The following RFX3 variants were observed in gnomAD, a reference collection of about 807,000 sequenced individuals.
The protein encoded by RFX3 is regulatory factor X3.
Under a neutral mutation model 98.6 loss-of-function variants are expected in RFX3, and 14 were observed. That is an observed-to-expected ratio of 0.14 (90% CI 0.09 to 0.22). The LOEUF (loss-of-function observed/expected upper bound fraction) is 0.22. Ranked by LOEUF, RFX3 falls within the 10% of genes least tolerant of loss-of-function variation. The probability of loss-of-function intolerance (pLI) is 1.00; values close to 1 mark genes in which losing one functional copy is unlikely to be tolerated. For synonymous variants in RFX3, 383 were observed against 328.4 expected (o/e 1.17, Z -1.80); for missense variants, 639 against 926.9 (o/e 0.69, Z 4.03).
At position 3,257,164 on chromosome 9, in the gene RFX3, G is replaced by A; in HGVS notation, c.1641C>T (p.Asn547=). ...QASWVCQCDD[N]MVQRLETDFK... ...AGTCTGTTTCTAGTCTCTGAACCAT[G>A]TTGTCATCACACTGGCACACCCAGG... Residue 547 remains asparagine (N), a synonymous_variant, in exon 14 of 17, where the codon AAC becomes AAT. Transcript: ENST00000617270. 2.5e-6 allele frequency: 4 copies of A among 1,613,892 alleles called. No homozygotes were observed. The highest frequency in any genetic ancestry group is 3.4e-6 in the Non-Finnish European group (4 of 1,179,968).
intron 1 of RFX3, among the ~76,000 whole-genome samples, chr9:3,490,107 C>A (rs1850621288): frequency 6.6e-6 from 1 of 151,928 alleles, no homozygotes; most frequent in South Asian, 2.1e-4. Flanking sequence ...AAATAAAGTT[C>A]TTCACCATAT....
At chr9:3,370,698 T>C (rs1787558687) in intron 2 of RFX3, among the ~76,000 whole-genome samples, 1 of 152,262 alleles carries the variant, frequency 6.6e-6, no homozygotes, top group African/African-American at 2.4e-5. Context: ...AAATAAATTA[T>C]AGCTCACTAA....
In RFX3 at chr9:3,221,720, T is replaced by C. The variant is rs2130498708; in HGVS notation, c.*3322A>G. 6.6e-6 allele frequency: 1 copy of C among 152,316 alleles called. No homozygotes were observed. Among genetic ancestry groups the C allele is most frequent in the East Asian group, 1.9e-4 (1 of 5,190 alleles). 9.4% of individuals were successfully genotyped at this position (152,316 alleles called of 1,614,324 possible). A position where few individuals can be genotyped will look rare whatever the true frequency, so the allele number is the denominator to read the frequency against. On this transcript the variant is annotated 3_prime_UTR_variant, in exon 17 of 17. Coordinates refer to ENST00000617270, the MANE Select transcript of RFX3 (RefSeq NM_001282116.2). ...TCATCCATTCCACCCTATTGTTCACTGGTTTCATGAATGCAAATCTTTTGA... is the reference window on the plus strand; with the variant it reads ...TCATCCATTCCACCCTATTGTTCACCGGTTTCATGAATGCAAATCTTTTGA...
intron 1 of RFX3, among the ~76,000 whole-genome samples, chr9:3,474,477 T>C (rs892707980): frequency 2.6e-5 from 4 of 152,230 alleles, no homozygotes; most frequent in Non-Finnish European, 5.9e-5. Flanking sequence ...ATTCCGTGAT[T>C]GTCTCATTGG....
At chr9:3,332,907 G>A (rs952540356) in intron 3 of RFX3, among the ~76,000 whole-genome samples, 3 of 146,202 alleles carry the variant, frequency 2.1e-5, no homozygotes, top group Non-Finnish European at 4.5e-5. Context: ...CTCAACGGAA[G>A]CACCTTATCT....
intron 4 of RFX3, among the ~76,000 whole-genome samples, chr9:3,315,699 A>C (rs536610324): frequency 6.6e-6 from 1 of 152,226 alleles, no homozygotes; most frequent in Non-Finnish European, 1.5e-5. Flanking sequence ...GGATATCACC[A>C]CCGATCTCAT....
intron 3 of RFX3, among the ~76,000 whole-genome samples, chr9:3,334,244 C>T (rs568018451): frequency 1.3e-5 from 2 of 152,312 alleles, no homozygotes; most frequent in East Asian, 1.9e-4. Context: ...TCTAGCACTA[C>T]ACTATTCTCC....
chr9:3,505,132 T>C (rs552576080), intron 1 of RFX3, among the ~76,000 whole-genome samples: 24 of 99,538 alleles, frequency 2.4e-4, no homozygotes, highest in African/African-American at 8.7e-4. Flanking sequence ...TATATATTTA[T>C]ATTTATATAT....
intron 2 of RFX3, among the ~76,000 whole-genome samples, chr9:3,393,193 G>A (rs1240238538): frequency 6.6e-6 from 1 of 152,038 alleles, no homozygotes; most frequent in African/African-American, 2.4e-5. Flanking sequence ...ATAAATGGAG[G>A]TAAATATCAG....
At chr9:3,235,594 C>G (rs1180275969) in intron 15 of RFX3, among the ~76,000 whole-genome samples, 2 of 152,132 alleles carry the variant, frequency 1.3e-5, no homozygotes, top group Admixed American at 1.3e-4. Context: ...GTGGTTCTTT[C>G]TGAAGTGTCT....
intron 13 of RFX3, 57 bp downstream of exon 13, chr9:3,262,875 TAAG>T: frequency 6.5e-7 from 1 of 1,540,108 alleles, no homozygotes; most frequent in Admixed American, 1.7e-5. Context: ...TGATCCCAAT[TAAG>T]AAGAACAAAT....
chr9:3,494,940 G>C (rs1400596530), intron 1 of RFX3, among the ~76,000 whole-genome samples: 5 of 151,900 alleles, frequency 3.3e-5, no homozygotes, highest in Admixed American at 6.6e-5. Flanking sequence ...AAAGATTTTG[G>C]TGTTAAAAGG....
At chr9:3,426,710 G>A (rs1025056006) in intron 1 of RFX3, among the ~76,000 whole-genome samples, 2 of 152,144 alleles carry the variant, frequency 1.3e-5, no homozygotes, top group Admixed American at 1.3e-4. Context: ...TTTCTTATGA[G>A]AATCTAATGC....
At chr9:3,520,123 T>C (rs1490202865) in intron 1 of RFX3, among the ~76,000 whole-genome samples, 1 of 151,904 alleles carries the variant, frequency 6.6e-6, no homozygotes, top group African/African-American at 2.4e-5. Context: ...AAAGGAAAAA[T>C]CTTAGTGGCA....
intron 4 of RFX3, among the ~76,000 whole-genome samples, chr9:3,313,897 T>C (rs1014376676): frequency 2.0e-5 from 3 of 152,188 alleles, no homozygotes; most frequent in Non-Finnish European, 2.9e-5. Context: ...CTACGTCTGA[T>C]TGGTGTACCT....
chr9:3,501,453 AGACT>A (rs1815989346), intron 1 of RFX3, among the ~76,000 whole-genome samples: 2 of 152,098 alleles, frequency 1.3e-5, no homozygotes, highest in Non-Finnish European at 1.5e-5. Flanking sequence ...TTCTCCTGAC[AGACT>A]ATTTCCTTAT....
intron 2 of RFX3, among the ~76,000 whole-genome samples, chr9:3,353,936 C>T (rs972728136): frequency 1.3e-5 from 2 of 151,514 alleles, no homozygotes; most frequent in Admixed American, 6.6e-5. Flanking sequence ...ATGATTTAAG[C>T]GAAAACATGA....
At chr9:3,404,288 TGTATA>T (rs1170522817) in intron 1 of RFX3, among the ~76,000 whole-genome samples, 3 of 152,210 alleles carry the variant, frequency 2.0e-5, no homozygotes, top group African/African-American at 7.2e-5. Context: ...TTTCATTATA[TGTATA>T]TGTATATACA....
intron 4 of RFX3, among the ~76,000 whole-genome samples, chr9:3,325,843 A>T (rs909427356): frequency 4.6e-5 from 7 of 152,140 alleles, no homozygotes; most frequent in Non-Finnish European, 1.0e-4. Flanking sequence ...ATATAGAAAA[A>T]TAATCATGAA....
Sources: allele counts gnomAD v4.1 joint callset (sites outside exome capture counted in the v4.1 genomes callset), GRCh38; gene constraint gnomAD v4.1.1; transcripts MANE v1.5; gene names NCBI Gene and HGNC (gene_info 2026-07-23, HGNC 2026-07-21).